CSMD1: variants seen among roughly 807,000 people sequenced by gnomAD.
CSMD1 encodes CUB and sushi domain-containing protein 1.
CSMD1 carries 213 observed loss-of-function variants against 417.5 expected under a neutral mutation model. That is an observed-to-expected ratio of 0.51 (90% CI 0.46 to 0.57). CSMD1 has a LOEUF of 0.57. CSMD1 is among the 20% of genes least tolerant of loss of function. CSMD1 has a pLI of 0.00. For synonymous variants in CSMD1, 2,862 were observed against 1,736.8 expected, an observed-to-expected ratio of 1.65 and a Z score of -16.11; for missense variants, 6,923 against 4,529.7, an observed-to-expected ratio of 1.53 and a Z score of -15.17.
Position 4,803,946 on chromosome 8 carries a change from G to A in CSMD1, c.86-166388C>T, listed in dbSNP as rs527504874. Among the ~76,000 whole-genome samples the A allele has an allele frequency of 2.9e-4, 44 of 152,292 alleles. No individual in the cohort carries two copies. The South Asian group carries it at 8.5e-3, about 29-fold the overall frequency. ...CTCCATAAATACGATGGGCATTCAT[G>A]CAAGACAAGTCTTTACAGATGTATC... On this transcript the variant is annotated intron_variant, in intron 1 of 69. Transcript: ENST00000635120.
intron 11 of CSMD1, among the ~76,000 whole-genome samples, chr8:3,469,351 G>A (rs532016566): frequency 7.6e-4 from 115 of 152,156 alleles, no homozygotes; most frequent in African/African-American, 2.7e-3. Context: ...ATATATTATA[G>A]GTAATTATAC....
intron 2 of CSMD1, among the ~76,000 whole-genome samples, chr8:4,620,945 T>A (rs1801743451): frequency 6.6e-6 from 1 of 151,934 alleles, no homozygotes; most frequent in Non-Finnish European, 1.5e-5. Flanking sequence ...AAATGTGGTC[T>A]TTAAAAAAAT....
intron 1 of CSMD1, chr8:4,788,430 G>A: frequency 7.5e-7 from 1 of 1,332,682 alleles, no homozygotes; most frequent in Non-Finnish European, 1.1e-6. Flanking sequence ...GGTCTTGGCT[G>A]TTCAACCACA....
At chr8:4,891,023 AT>A (rs1444657134) in intron 1 of CSMD1, among the ~76,000 whole-genome samples, 3 of 152,134 alleles carry the variant, frequency 2.0e-5, no homozygotes, top group Admixed American at 6.5e-5. Flanking sequence ...ATAAATAGAT[AT>A]GTGGAAATGG....
At chr8:4,650,521 T>G (rs576609663) in intron 1 of CSMD1, among the ~76,000 whole-genome samples, 86 of 152,320 alleles carry the variant, frequency 5.6e-4, no homozygotes, top group African/African-American at 1.9e-3. Context: ...GCCTCTTATT[T>G]TAGCTTGGTT....
At chr8:4,954,260 C>T (rs916670304) in intron 1 of CSMD1, among the ~76,000 whole-genome samples, 5 of 152,198 alleles carry the variant, frequency 3.3e-5, no homozygotes, top group Admixed American at 2.0e-4. Flanking sequence ...TTACCAATTA[C>T]GATATGGTGT....
At chr8:4,226,235 C>CA (rs1801347025) in intron 3 of CSMD1, among the ~76,000 whole-genome samples, 2 of 152,062 alleles carry the variant, frequency 1.3e-5, no homozygotes, top group South Asian at 4.2e-4. Flanking sequence ...CCAGCAAAAA[C>CA]AAAAAGTAAA....
rs549408996 is a variant in CSMD1 at position 3,945,715 on chromosome 8, C to T, written c.818+52188G>A. Among the ~76,000 whole-genome samples the T allele has an allele frequency of 4.6e-5, 7 of 152,166 alleles. No individual in the cohort carries two copies. In the South Asian group the frequency reaches 1.5e-3, roughly 32 times the overall value. ...GCTCATCGACATTTAAAGCTCATTT[C>T]CTTACCTTAGGTTACTAGGGGATAG... On this transcript the variant is annotated intron_variant, in intron 5 of 69. Transcript: ENST00000635120.
chr8:3,288,705 T>A (rs554867755), intron 25 of CSMD1, among the ~76,000 whole-genome samples: 1 of 147,382 alleles, frequency 6.8e-6, no homozygotes, highest in Non-Finnish European at 1.5e-5. Flanking sequence ...TCTTTATTTT[T>A]CTTGATAGCA....
At chr8:4,730,584 C>CAA (rs1266550620) in intron 1 of CSMD1, among the ~76,000 whole-genome samples, 2 of 151,482 alleles carry the variant, frequency 1.3e-5, no homozygotes, top group African/African-American at 4.9e-5. Context: ...ACTAAAAATA[C>CAA]AAAAAAATTA....
At chr8:4,914,592 A>G (rs1805928640) in intron 1 of CSMD1, among the ~76,000 whole-genome samples, 2 of 151,860 alleles carry the variant, frequency 1.3e-5, no homozygotes, top group African/African-American at 4.8e-5. Context: ...AGAAAAAAAA[A>G]AAAAAAAAAA....
chr8:4,815,513 C>T (rs537683820), intron 1 of CSMD1, among the ~76,000 whole-genome samples: 2 of 151,566 alleles, frequency 1.3e-5, no homozygotes, highest in African/African-American at 2.4e-5. Flanking sequence ...CTGACCAACA[C>T]AGTGAAACCC....
chr8:3,425,871 G>A (rs1480468427), intron 12 of CSMD1, among the ~76,000 whole-genome samples: 1 of 152,104 alleles, frequency 6.6e-6, no homozygotes, highest in African/African-American at 2.4e-5. Flanking sequence ...GATCAAAGAT[G>A]ACCACAAAAG....
chr8:4,695,708 T>C (rs1217853084), intron 1 of CSMD1, among the ~76,000 whole-genome samples: 1 of 152,190 alleles, frequency 6.6e-6, no homozygotes, highest in Non-Finnish European at 1.5e-5. Context: ...GTCAGTTTAC[T>C]TCAGGATTTA....
At position 3,348,242 on chromosome 8, in the gene CSMD1, G is replaced by A. The variant is rs1185065591; in HGVS notation, c.3305-81C>T. ...AACAGATTAAAAACTTTAAAATCAT[G>A]ATAGCCTCCTCTTCTATCAACGTAT... On this transcript the variant is annotated intron_variant, in intron 21 of 69. Transcript: ENST00000635120. The A allele has an allele frequency of 8.3e-6, 8 of 965,796 alleles. No homozygotes were observed. The South Asian group carries it at 1.1e-4, about 13-fold the overall frequency. 59.8% of individuals were successfully genotyped at this position (965,796 alleles called of 1,614,324 possible).
chr8:4,785,716 A>C (rs559312066), intron 1 of CSMD1, among the ~76,000 whole-genome samples: 119 of 152,306 alleles, frequency 7.8e-4, no homozygotes, highest in Middle Eastern at 3.4e-3. Context: ...ATCACCCTTT[A>C]TAATAGAGCA....
chr8:3,467,249 G>C (rs1816837919), intron 12 of CSMD1, among the ~76,000 whole-genome samples: 1 of 152,146 alleles, frequency 6.6e-6, no homozygotes, highest in Non-Finnish European at 1.5e-5. Context: ...TCCTATTCCT[G>C]GTACCATAAA....
At chr8:4,822,236 C>T (rs972748483) in intron 1 of CSMD1, among the ~76,000 whole-genome samples, 1 of 152,080 alleles carries the variant, frequency 6.6e-6, no homozygotes, top group African/African-American at 2.4e-5. Flanking sequence ...CTTACTTTCA[C>T]CGTACCACTT....
chr8:3,609,811 C>CTTTTTTTTTTTTTTTTTTTTTTT (rs71534362), intron 8 of CSMD1, among the ~76,000 whole-genome samples: 1 of 75,262 alleles, frequency 1.3e-5, no homozygotes, highest in Non-Finnish European at 2.4e-5. Flanking sequence ...AGTATCTTCC[C>CTTTTTTTTTTTTTTTTTTTTTTT]TTTTTTTTTT....
Sources: allele counts gnomAD v4.1 joint callset (sites outside exome capture counted in the v4.1 genomes callset), GRCh38; gene constraint gnomAD v4.1.1; transcripts MANE v1.5; gene names NCBI Gene and HGNC (gene_info 2026-07-23, HGNC 2026-07-21).